The following POTEC variants were observed in gnomAD, a reference collection of about 807,000 sequenced individuals.
POTEC encodes the protein POTE ankyrin domain family member C.
Under a neutral mutation model 62.0 loss-of-function variants are expected in POTEC, and 35 were observed. That is an observed-to-expected ratio of 0.56 (90% CI 0.43 to 0.75). POTEC has a LOEUF of 0.75. Ranked by LOEUF, POTEC falls within the 30% of genes least tolerant of loss-of-function variation. POTEC has a pLI of 0.00. For synonymous variants in POTEC, 156 were observed against 221.5 expected (o/e 0.70, Z 2.62); for missense variants, 472 against 655.9 (o/e 0.72, Z 3.06).
chr18:14,528,920 A>G (rs563190647), intron 6 of POTEC: 3 of 454,262 alleles, frequency 6.6e-6, no homozygotes, highest in African/African-American at 6.0e-5. Context: ...AGGTTCACTC[A>G]GCATCTTGCG....
In POTEC at chr18:14,511,905, C is replaced by A; in HGVS notation, c.1622G>T (p.Trp541Leu). 6.2e-7 allele frequency: 1 copy of A among 1,613,762 alleles called. No homozygotes were observed. Among genetic ancestry groups the A allele is most frequent in the Non-Finnish European group, 8.5e-7 (1 of 1,179,810 alleles). ...TCTGATGTTTTGTTTCATCTAGTTC[C>A]AGTCTCCAGAAATTAGCATGGCAAT... ...EEIAMLISGD[W>L]N is the part of the protein sequence containing the mutation. The change falls in exon 11 of 11, where the codon TGG becomes TTG. Residue 541 changes from tryptophan (W) to leucine (L), a missense_variant. Physicochemically the swap from Trp to Leu is moderately conservative, Grantham distance 61. Around this residue, in one of 5 missense-constraint regions of POTEC, gnomAD observed 67 missense variants for 58.3 expected, o/e 1.15. Coordinates refer to ENST00000358970, the MANE Select transcript of POTEC (RefSeq NM_001137671.2).
At chr18:14,520,381 C>T (rs572364216) in intron 9 of POTEC, among the ~76,000 whole-genome samples, 7 of 149,884 alleles carry the variant, frequency 4.7e-5, no homozygotes, top group Non-Finnish European at 8.9e-5. Flanking sequence ...CATGCTTATA[C>T]ATAAAGACCA....
chr18:14,537,362 G>C (rs1186709830), intron 3 of POTEC, among the ~76,000 whole-genome samples: 3 of 151,798 alleles, frequency 2.0e-5, no homozygotes, highest in South Asian at 2.1e-4. Flanking sequence ...TTGCCACTGA[G>C]AGATACATCA....
chr18:14,513,031 TAGTA>T (rs777215666), intron 10 of POTEC, among the ~76,000 whole-genome samples: 202 of 152,366 alleles, frequency 1.3e-3, no homozygotes, highest in Non-Finnish European at 2.5e-3. Flanking sequence ...AACATTATAG[TAGTA>T]AGTGTGAAAT....
rs1470392999 is a variant in POTEC at position 14,542,850 on chromosome 18, G to A, written c.297C>T (p.Gly99=). The A allele has an allele frequency of 6.2e-7, 1 of 1,609,672 alleles. No homozygotes were observed. The highest frequency in any genetic ancestry group is 1.3e-5 in the African/African-American group (1 of 74,650). The change falls in exon 1 of 11, where the codon GGC becomes GGT. Residue 99 remains glycine (G), a synonymous_variant. Transcript: ENST00000358970. Reference sequence around the variant, plus strand: ...AGGGGAAGCAGTGACAGCACCACTTGCCCATCTTGCTCCTGAGCGTCTTCA... The same window carrying A: ...AGGGGAAGCAGTGACAGCACCACTTACCCATCTTGCTCCTGAGCGTCTTCA... The part of the protein sequence containing the change: ...SFMKTLRSKM[G]KWCCHCFPCC...
chr18:14,523,704 A>T (rs111298247), intron 7 of POTEC, among the ~76,000 whole-genome samples, 197 bp from the exon 8 acceptor site: 1 of 152,078 alleles, frequency 6.6e-6, no homozygotes, highest in African/African-American at 2.4e-5. Context: ...TTTTTAATCT[A>T]TGTTTAGCTA....
At chr18:14,541,945 AAC>A (rs1269241331) in intron 1 of POTEC, among the ~76,000 whole-genome samples, 2 of 152,386 alleles carry the variant, frequency 1.3e-5, no homozygotes, top group East Asian at 3.9e-4. Context: ...TTGTGGAAAT[AAC>A]ACATGCACAT....
chr18:14,541,094 C>T (rs183801606), intron 1 of POTEC, among the ~76,000 whole-genome samples: 1 of 152,240 alleles, frequency 6.6e-6, no homozygotes, highest in Non-Finnish European at 1.5e-5. Flanking sequence ...TTTCACCACG[C>T]TGGCCAAGCT....
chr18:14,522,201 G>A (rs1362268492), intron 9 of POTEC, 53 bp downstream of exon 9: 5 of 1,604,692 alleles, frequency 3.1e-6, no homozygotes, highest in Admixed American at 3.4e-5. Flanking sequence ...CCCAAATTAG[G>A]ATTAGTTTGA....
chr18:14,521,115 TTTATA>T (rs1344100329), intron 9 of POTEC, among the ~76,000 whole-genome samples: 2 of 152,174 alleles, frequency 1.3e-5, no homozygotes, highest in Non-Finnish European at 2.9e-5. Context: ...TACTCAAATG[TTTATA>T]TTAAATATAG....
At chr18:14,536,263 G>A (rs1043696990) in intron 3 of POTEC, among the ~76,000 whole-genome samples, 1 of 144,956 alleles carries the variant, frequency 6.9e-6, no homozygotes, top group Non-Finnish European at 1.5e-5. Context: ...TATTGGAAAG[G>A]AAAGATTTAA....
intron 3 of POTEC, among the ~76,000 whole-genome samples, chr18:14,536,825 C>T (rs1201694004): frequency 6.6e-6 from 1 of 152,130 alleles, no homozygotes; most frequent in Non-Finnish European, 1.5e-5. Flanking sequence ...AGAACAAGGT[C>T]TAGTAAACTC....
intron 9 of POTEC, among the ~76,000 whole-genome samples, chr18:14,516,008 TAAAA>T (rs538114959): frequency 6.7e-6 from 1 of 150,184 alleles, no homozygotes; most frequent in African/African-American, 2.4e-5. Flanking sequence ...ACTACTAAAA[TAAAA>T]AAAACAGCAG....
At chr18:14,520,773 A>G (rs1404416722) in intron 9 of POTEC, among the ~76,000 whole-genome samples, 1 of 152,000 alleles carries the variant, frequency 6.6e-6, no homozygotes, top group Non-Finnish European at 1.5e-5. Context: ...TTTTGTAAGT[A>G]AAGAATCTTG....
chr18:14,511,901 G>C lies in POTEC; in HGVS notation c.1626C>G (p.Asn542Lys), dbSNP rs1598475307. ...EIAMLISGDWN is the reference protein window; with the variant it reads ...EIAMLISGDWK Reference sequence around the variant, plus strand: ...TGGTTCTGATGTTTTGTTTCATCTAGTTCCAGTCTCCAGAAATTAGCATGG... The same window carrying C: ...TGGTTCTGATGTTTTGTTTCATCTACTTCCAGTCTCCAGAAATTAGCATGG... Residue 542 changes from asparagine to lysine, a missense_variant, in exon 11 of 11, where the codon AAC (asparagine) becomes AAG (lysine). Transcript: ENST00000358970. The C allele has an allele frequency of 6.2e-7, 1 of 1,613,648 alleles. No homozygotes were observed. Among genetic ancestry groups the C allele is most frequent in the Non-Finnish European group, 8.5e-7 (1 of 1,179,802 alleles).
chr18:14,523,743 T>C (rs1040535150), intron 7 of POTEC, among the ~76,000 whole-genome samples: 2 of 152,138 alleles, frequency 1.3e-5, no homozygotes, highest in Non-Finnish European at 2.9e-5. Context: ...CTGACTAACA[T>C]GTGAAAAATA....
intron 9 of POTEC, among the ~76,000 whole-genome samples, chr18:14,520,996 C>A (rs1190697174): frequency 1.3e-5 from 2 of 152,126 alleles, no homozygotes; most frequent in African/African-American, 4.8e-5. Flanking sequence ...ATATAGTCCA[C>A]AAAGCCTAAA....
At chr18:14,529,920 C>A (rs943584396) in intron 6 of POTEC, among the ~76,000 whole-genome samples, 8 of 152,156 alleles carry the variant, frequency 5.3e-5, no homozygotes, top group Non-Finnish European at 8.8e-5. Context: ...TAGGACCACC[C>A]AGAGCAGGGG....
At chr18:14,529,717 C>T (rs1016820971) in intron 6 of POTEC, among the ~76,000 whole-genome samples, 2 of 152,042 alleles carry the variant, frequency 1.3e-5, no homozygotes. Context: ...TTACTGTTAT[C>T]AAGACAATTG....
Sources: gnomAD v4.1 joint callset for allele counts (sites outside exome capture counted in the v4.1 genomes callset) on GRCh38, gnomAD v4.1.1 for gene constraint, gnomAD v4.1.1 regional missense constraint, MANE v1.5 for transcripts, NCBI Gene and HGNC (gene_info 2026-07-23, HGNC 2026-07-21) for gene names.